Variants in IL1RAP observed in about 807,000 individuals in gnomAD.
The protein encoded by IL1RAP is interleukin 1 receptor accessory protein, also known as interleukin-1 receptor accessory protein.
IL1RAP carries 35 observed loss-of-function variants against 60.7 expected under a neutral mutation model. The ratio of observed to expected loss-of-function variants is 0.58; its 90% CI spans 0.44 to 0.76. The LOEUF is 0.76. Among genes scored for constraint, IL1RAP ranks in the 30% least tolerant of loss-of-function variants. The pLI, the probability that IL1RAP is intolerant of heterozygous loss-of-function variation, is 0.00. For missense variants in IL1RAP, 572 were observed against 693.9 expected, an observed-to-expected ratio of 0.82 and a Z score of 1.97; for synonymous variants, 268 against 250.9, an observed-to-expected ratio of 1.07 and a Z score of -0.64.
intron 2 of IL1RAP, among the ~76,000 whole-genome samples, chr3:190,558,656 T>C (rs1725633051): frequency 6.6e-6 from 1 of 152,192 alleles, no homozygotes; most frequent in African/African-American, 2.4e-5. Flanking sequence ...CCTCCAACTT[T>C]ATTCTTCTTT....
intron 3 of IL1RAP, among the ~76,000 whole-genome samples, chr3:190,601,154 T>G (rs1012789803): frequency 2.0e-5 from 3 of 151,994 alleles, no homozygotes; most frequent in African/African-American, 7.3e-5. Flanking sequence ...CTGGCTAATT[T>G]TTGTATTTTT....
chr3:190,616,071 A>G (rs1731245880), intron 5 of IL1RAP, among the ~76,000 whole-genome samples: 2 of 152,190 alleles, frequency 1.3e-5, no homozygotes, highest in Admixed American at 1.3e-4. Flanking sequence ...ATATGCATAT[A>G]CAGATAACAT....
At chr3:190,636,291 T>C (rs1434653408) in intron 9 of IL1RAP, among the ~76,000 whole-genome samples, 1 of 152,210 alleles carries the variant, frequency 6.6e-6, no homozygotes, top group South Asian at 2.1e-4. Context: ...TATTCAGTTA[T>C]TAAAAGAGAG....
chr3:190,555,343 C>T (rs1351368165), intron 1 of IL1RAP, among the ~76,000 whole-genome samples: 1 of 152,204 alleles, frequency 6.6e-6, no homozygotes, highest in Non-Finnish European at 1.5e-5. Context: ...CTCTCAGGTG[C>T]TTTGAAATGC....
chr3:190,543,438 A>G (rs1724111802), intron 1 of IL1RAP, among the ~76,000 whole-genome samples: 1 of 152,186 alleles, frequency 6.6e-6, no homozygotes, highest in East Asian at 1.9e-4. Context: ...CTGTCTGCAA[A>G]CGTCTTAAGA....
At chr3:190,626,653 T>G (rs919458726) in intron 7 of IL1RAP, among the ~76,000 whole-genome samples, 3 of 150,806 alleles carry the variant, frequency 2.0e-5, no homozygotes, top group African/African-American at 7.3e-5. Context: ...AAAAAGAATA[T>G]TGTCAGAGAC....
intron 1 of IL1RAP, among the ~76,000 whole-genome samples, chr3:190,540,056 G>C (rs1290407541): frequency 6.6e-6 from 1 of 152,022 alleles, no homozygotes; most frequent in East Asian, 1.9e-4. Flanking sequence ...ACCTTAAGTT[G>C]CTTACAATGA....
At chr3:190,534,661 T>A (rs771620378) in intron 1 of IL1RAP, among the ~76,000 whole-genome samples, 6 of 152,186 alleles carry the variant, frequency 3.9e-5, no homozygotes, top group Admixed American at 6.5e-5. Context: ...TTTTCCTGGA[T>A]ACAAATGGTA....
At chr3:190,525,878 G>A (rs1722470303) in intron 1 of IL1RAP, among the ~76,000 whole-genome samples, 1 of 152,140 alleles carries the variant, frequency 6.6e-6, no homozygotes. Context: ...TTGTGTAGGT[G>A]TTTTATGTAA....
intron 1 of IL1RAP, among the ~76,000 whole-genome samples, chr3:190,551,447 A>G (rs543740615): frequency 2.6e-5 from 4 of 152,358 alleles, no homozygotes; most frequent in Admixed American, 6.5e-5. Flanking sequence ...AACATGCTTC[A>G]AATTTTCTTC....
chr3:190,572,115 T>C (rs555980831), intron 3 of IL1RAP, among the ~76,000 whole-genome samples: 4 of 152,314 alleles, frequency 2.6e-5, no homozygotes, highest in South Asian at 4.1e-4. Context: ...AAAAACCTAC[T>C]AGCTTTAAAT....
intron 7 of IL1RAP, among the ~76,000 whole-genome samples, chr3:190,626,591 C>T (rs1732287278): frequency 1.3e-5 from 2 of 151,490 alleles, no homozygotes; most frequent in Admixed American, 1.3e-4. Flanking sequence ...CTCAGTCACC[C>T]TTCTTGAGGA....
chr3:190,656,307 G>T, downstream of IL1RAP: 2 of 1,537,170 alleles, frequency 1.3e-6, no homozygotes, highest in Non-Finnish European at 1.7e-6. Context: ...GCTCAGAGAG[G>T]GCTGCAGGTA....
intron 1 of IL1RAP, among the ~76,000 whole-genome samples, chr3:190,522,358 G>T (rs79111203): frequency 0.012 from 1,279 of 109,932 alleles, 23 homozygotes; most frequent in African/African-American, 0.035. Context: ...CCCTCCCTTC[G>T]TTCCTCTTCC....
At chr3:190,546,873 A>G (rs745542910) in intron 1 of IL1RAP, among the ~76,000 whole-genome samples, 21 of 152,218 alleles carry the variant, frequency 1.4e-4, no homozygotes, top group Non-Finnish European at 2.5e-4. Flanking sequence ...CATAGTAGGT[A>G]TCCAGTTACA....
chr3:190,615,259 T>C, intron 5 of IL1RAP: 1 of 1,175,916 alleles, frequency 8.5e-7, no homozygotes, highest in Non-Finnish European at 1.1e-6. Context: ...ACAGCTGGCT[T>C]ATAAAACAAA....
exon 12 of IL1RAP, chr3:190,656,616 T>A: frequency 2.7e-6 from 4 of 1,459,906 alleles, no homozygotes; most frequent in Non-Finnish European, 3.7e-6. Flanking sequence ...AATTACTGTG[T>A]GTGGTGGGTG....
chr3:190,655,811 C>T (rs758855303), downstream of IL1RAP: 1 of 1,059,796 alleles, frequency 9.4e-7, no homozygotes, highest in Non-Finnish European at 1.4e-6. Context: ...TCCCTGTCCT[C>T]TGGAGGATGG....
chr3:190,574,968 A>G (rs1727306610), intron 3 of IL1RAP, among the ~76,000 whole-genome samples: 1 of 151,048 alleles, frequency 6.6e-6, no homozygotes, highest in Admixed American at 6.6e-5. Context: ...TAATACACAA[A>G]GCCTCTTCAG....
Sources: gnomAD v4.1 joint callset for allele counts (sites outside exome capture counted in the v4.1 genomes callset) on GRCh38, gnomAD v4.1.1 for gene constraint, MANE v1.5 for transcripts, NCBI Gene and HGNC (gene_info 2026-07-23, HGNC 2026-07-21) for gene names.